Variants in C6orf89 observed in about 807,000 individuals in gnomAD.
The protein encoded by C6orf89 is chromosome 6 open reading frame 89.
A neutral mutation model predicts 40.7 loss-of-function variants in C6orf89; 29 were observed. The observed-to-expected ratio is 0.71, with a 90% CI of 0.53 to 0.97. The LOEUF is 0.97. Among genes scored for constraint, C6orf89 ranks in the 50% least tolerant of loss-of-function variants. The pLI is 0.00. For missense variants in C6orf89, 392 were observed against 429.1 expected (o/e 0.91, Z 0.76); for synonymous variants, 165 against 152.2 (o/e 1.08, Z -0.62).
At chr6:36,879,957 G>C (rs893586793) in intron 2 of C6orf89, among the ~76,000 whole-genome samples, 1 of 152,236 alleles carries the variant, frequency 6.6e-6, no homozygotes, top group African/African-American at 2.4e-5. Context: ...AAGGGCAGTA[G>C]ACTGCTCTGT....
intron 4 of C6orf89, among the ~76,000 whole-genome samples, chr6:36,909,573 A>AT (rs1762047726): frequency 6.6e-6 from 1 of 152,090 alleles, no homozygotes; most frequent in South Asian, 2.1e-4. Context: ...CCCATTAAAA[A>AT]TTTTTTTATC....
At chr6:36,888,705 TAA>T (rs1775085360) in intron 1 of C6orf89, among the ~76,000 whole-genome samples, 1 of 152,128 alleles carries the variant, frequency 6.6e-6, no homozygotes, top group Non-Finnish European at 1.5e-5. Flanking sequence ...GTATAGAGAT[TAA>T]CTACATCTTT....
chr6:36,914,526 GT>G, intron 5 of C6orf89, 27 bp from the exon 6 acceptor site: 2 of 1,613,176 alleles, frequency 1.2e-6, no homozygotes, highest in Non-Finnish European at 1.7e-6. Context: ...ACTCTGTGTT[GT>G]TTTGTTTTGT....
At chr6:36,911,746 A>G (rs1196652281) in intron 4 of C6orf89, among the ~76,000 whole-genome samples, 1 of 152,092 alleles carries the variant, frequency 6.6e-6, no homozygotes, top group Non-Finnish European at 1.5e-5. Context: ...ATGAGCACTA[A>G]TGACATAGGT....
chr6:36,879,738 AAC>A (rs1020616701), intron 2 of C6orf89, among the ~76,000 whole-genome samples: 9 of 152,210 alleles, frequency 5.9e-5, no homozygotes, highest in African/African-American at 1.7e-4. Flanking sequence ...AGGTCCCTGA[AAC>A]ACAAAAAAAA....
At chr6:36,899,026 A>G (rs1761559435) in intron 2 of C6orf89, among the ~76,000 whole-genome samples, 2 of 152,134 alleles carry the variant, frequency 1.3e-5, no homozygotes, top group South Asian at 4.1e-4. Context: ...GCGTTAAACA[A>G]CACTGTGCAT....
intron 1 of C6orf89, among the ~76,000 whole-genome samples, chr6:36,887,210 G>A (rs1179971852): frequency 6.6e-6 from 1 of 151,644 alleles, no homozygotes; most frequent in Non-Finnish European, 1.5e-5. Context: ...CGCCTCCCCG[G>A]TTCACACCAT....
rs1408790414 is a variant in C6orf89 at position 36,901,318 on chromosome 6, A to ATTTTTTTTTTTTTTTTTTTTTTTTTTTTT, written c.190-901_190-900insTTTTTTTTTTTTTTTTTTTTTTTTTTTTT. Among the ~76,000 whole-genome samples, 2 of 65,134 alleles carry ATTTTTTTTTTTTTTTTTTTTTTTTTTTTT rather than the reference A, an allele frequency of 3.1e-5. 1 individual carries two copies. The highest frequency in any genetic ancestry group is 6.0e-5 in the Non-Finnish European group (2 of 33,424). The allele number at this position is 65,134 out of a possible 152,430, so 42.7% of individuals were successfully genotyped here. ...TATTATTATTATTATTATTATTATTATTATTTTTTTTTTTTTTTTTTTTTT... is the reference window on the plus strand; with the variant it reads ...TATTATTATTATTATTATTATTATTATTTTTTTTTTTTTTTTTTTTTTTTTTTTTTTATTTTTTTTTTTTTTTTTTTTTT... On this transcript the variant is annotated intron_variant, in intron 3 of 8. Transcript: ENST00000480824.
chr6:36,880,998 G>T (rs1323892600), upstream of C6orf89, among the ~76,000 whole-genome samples: 1 of 152,188 alleles, frequency 6.6e-6, no homozygotes, highest in Non-Finnish European at 1.5e-5. Flanking sequence ...ATGCCACCAT[G>T]ACTCTTAACT....
chr6:36,894,489 TTACTC>T lies in C6orf89; in HGVS notation c.-119-12_-119-8del, dbSNP rs1206781503. 34 of 979,062 alleles carry T rather than the reference TTACTC, an allele frequency of 3.5e-5. No homozygotes were observed. The highest frequency in any genetic ancestry group is 6.2e-5 in the Admixed American group (1 of 16,252). 60.6% of individuals were successfully genotyped at this position (979,062 alleles called of 1,614,324 possible). ...AAAAATGTTGTAATAAGTTATCCCT[TTACTC>T]TATTTGCAGGAATCATTGTAGTCAA... On this transcript the variant is annotated splice_polypyrimidine_tract_variant and intron_variant, in intron 1 of 8. Transcript: ENST00000480824.
chr6:36,905,788 A>G (rs1761905103), intron 4 of C6orf89, among the ~76,000 whole-genome samples: 1 of 152,204 alleles, frequency 6.6e-6, no homozygotes. Context: ...TTAAAGCCAG[A>G]AAAGAATTTT....
At chr6:36,882,716 TTTTTTTTTTTCTTTTTTC>T (rs1196700735), upstream of C6orf89, among the ~76,000 whole-genome samples, 5 of 117,284 alleles carry the variant, frequency 4.3e-5, no homozygotes, top group African/African-American at 1.4e-4. Flanking sequence ...TCATTTTCTT[TTTTTTTTTTTCTTTTTTC>T]TTTTTTTTTT....
chr6:36,911,830 T>C (rs1292781693), intron 4 of C6orf89, among the ~76,000 whole-genome samples: 2 of 151,890 alleles, frequency 1.3e-5, no homozygotes, highest in African/African-American at 4.8e-5. Context: ...ACAGTAGTGC[T>C]CCTTGGGGCT....
intron 4 of C6orf89, among the ~76,000 whole-genome samples, chr6:36,903,110 G>A (rs1030531239): frequency 6.6e-6 from 1 of 152,166 alleles, no homozygotes; most frequent in African/African-American, 2.4e-5. Flanking sequence ...TTCAGGCTGG[G>A]TGTGGTGGTT....
At chr6:36,898,538 C>T (rs1054193143) in intron 2 of C6orf89, among the ~76,000 whole-genome samples, 1 of 151,924 alleles carries the variant, frequency 6.6e-6, no homozygotes, top group African/African-American at 2.4e-5. Context: ...CTCAGCCTCC[C>T]GAAGTGCTGG....
In C6orf89 at chr6:36,914,347, G is replaced by C; in HGVS notation, c.467G>C (p.Cys156Ser). Residue 156 changes from cysteine to serine, a missense_variant, in exon 5 of 9, where the codon TGC becomes TCC. By Grantham distance (112) the Cys-to-Ser change is moderately radical. Coordinates refer to ENST00000480824, the MANE Select transcript of C6orf89 (RefSeq NM_001286635.2). ...GAGTCAGAGCCCATTCCTGCCAACT[G>C]CACTGGCTGTGCCCAGAAACACCTG... ...QNESEPIPANCTGCAQKHLKV... is the reference protein window; with the variant it reads ...QNESEPIPANSTGCAQKHLKV... 6.2e-7 allele frequency: 1 copy of C among 1,614,164 alleles called. No individual in the cohort carries two copies. Among genetic ancestry groups the C allele is most frequent in the Non-Finnish European group, 8.5e-7 (1 of 1,180,032 alleles).
intron 1 of C6orf89, among the ~76,000 whole-genome samples, chr6:36,890,104 T>C (rs370450): frequency 0.99 from 150,700 of 152,320 alleles, 74,556 homozygotes; most frequent in Middle Eastern, 1. Flanking sequence ...TCCATCACCT[T>C]CAAGTTTCCT....
At chr6:36,912,092 T>G (rs1762149604) in intron 4 of C6orf89, among the ~76,000 whole-genome samples, 1 of 152,158 alleles carries the variant, frequency 6.6e-6, no homozygotes, top group Non-Finnish European at 1.5e-5. Context: ...CAGTTCCTCT[T>G]TTTGTTCTGA....
In C6orf89 at chr6:36,902,518, A is replaced by G. The variant is rs1169734077; in HGVS notation, c.403+84A>G. The G allele has an allele frequency of 4.1e-6, 5 of 1,210,602 alleles. No homozygotes were observed. The East Asian group carries it at 9.5e-5, about 23-fold the overall frequency. 75.0% of individuals were successfully genotyped at this position (1,210,602 alleles called of 1,614,324 possible). Reference sequence around the variant, plus strand: ...AAGGAAGTAACATTTATTGATACCTAATGAGAGGCAAGCTCCCTATATTGT... The same window carrying G: ...AAGGAAGTAACATTTATTGATACCTGATGAGAGGCAAGCTCCCTATATTGT... On this transcript the variant is annotated intron_variant, in intron 4 of 8. Coordinates refer to ENST00000480824, the MANE Select transcript of C6orf89 (RefSeq NM_001286635.2).
Sources: gnomAD v4.1 joint callset for allele counts (sites outside exome capture counted in the v4.1 genomes callset) on GRCh38, gnomAD v4.1.1 for gene constraint, MANE v1.5 for transcripts, NCBI Gene and HGNC (gene_info 2026-07-23, HGNC 2026-07-21) for gene names.